The following TEX14 variants were observed in gnomAD, a reference collection of about 807,000 sequenced individuals.
TEX14 encodes testis expressed 14, intercellular bridge forming factor.
TEX14 carries 168 observed loss-of-function variants against 178.6 expected under a neutral mutation model. That is an observed-to-expected ratio of 0.94 (90% CI 0.83 to 1.07). TEX14 has a LOEUF of 1.07. Among genes scored for constraint, TEX14 ranks in the 50% least tolerant of loss-of-function variants. TEX14 has a pLI of 0.00. For missense variants in TEX14, 1,730 were observed against 1,753.6 expected, an observed-to-expected ratio of 0.99 and a Z score of 0.24; for synonymous variants, 626 against 634.1, an observed-to-expected ratio of 0.99 and a Z score of 0.19.
intron 2 of TEX14, among the ~76,000 whole-genome samples, chr17:58,644,523 G>T (rs977159798): frequency 1.3e-5 from 2 of 151,704 alleles, no homozygotes; most frequent in Non-Finnish European, 2.9e-5. Context: ...GTAGAGATGG[G>T]GTTTCACCAT....
At position 58,651,866 on chromosome 17, in the gene TEX14, C is replaced by G. The variant is rs1361526657; in HGVS notation, c.136G>C (p.Gly46Arg). 6.2e-7 allele frequency: 1 copy of G among 1,604,856 alleles called. No individual in the cohort carries two copies. Among genetic ancestry groups the G allele is most frequent in the Non-Finnish European group, 8.5e-7 (1 of 1,177,234 alleles). ...YVKVKKILKK[G>R]IYVDAVNSLG... ...TCTGCCATCTCAACATGGTGCTTAC[C>G]TTTCTTAAGAATTTTCTTCACTTTC... Residue 46 changes from glycine to arginine, a missense_variant and splice_region_variant, in exon 2 of 32, where the codon GGA becomes CGA. Physicochemically the swap from Gly to Arg is moderately radical, Grantham distance 125. Coordinates refer to ENST00000349033, the MANE Select transcript of TEX14 (RefSeq NM_031272.5).
intron 15 of TEX14, among the ~76,000 whole-genome samples, chr17:58,588,690 C>G (rs766545905): frequency 2.0e-5 from 3 of 152,204 alleles, no homozygotes; most frequent in Non-Finnish European, 4.4e-5. Flanking sequence ...CACTAGGTTA[C>G]TATCTGACTT....
At chr17:58,659,190 T>G (rs550307519) in intron 1 of TEX14, 1 of 210,752 alleles carries the variant, frequency 4.7e-6, no homozygotes, top group Non-Finnish European at 8.2e-6. Flanking sequence ...CCACAAGTTA[T>G]GCAGCCGAGT....
intron 26 of TEX14, 110 bp from the exon 27 acceptor site, chr17:58,565,934 A>T (rs2044388732): frequency 1.2e-6 from 1 of 803,732 alleles, no homozygotes. Flanking sequence ...GCATTAACAT[A>T]ACCCGGGAAC....
intron 1 of TEX14, among the ~76,000 whole-genome samples, chr17:58,669,134 C>G (rs888148233): frequency 2.0e-5 from 3 of 151,992 alleles, no homozygotes; most frequent in Non-Finnish European, 1.5e-5. Context: ...GGCAGATCAC[C>G]TGAGGTCAGG....
rs148023164 is a variant in TEX14 at position 58,672,477 on chromosome 17, A to G, written c.-2+19462T>C. 5.7e-3 allele frequency among the ~76,000 whole-genome samples: 867 copies of G among 152,338 alleles called. 5 individuals carry two copies. Among genetic ancestry groups the G allele is most frequent in the African/African-American group, 9.2e-3 (381 of 41,578 alleles). The stretch of plus-strand genomic sequence containing the variant: ...GAGACAGAGTCTCGCTCTATCACCC[A>G]GGCTGCAGTGCAGAGGTGCAATCTC... On this transcript the variant is annotated intron_variant, in intron 1 of 31. Coordinates refer to ENST00000349033, the MANE Select transcript of TEX14 (RefSeq NM_031272.5).
In TEX14 at chr17:58,602,447, T is replaced by A. The variant is rs376488524; in HGVS notation, c.1480A>T (p.Thr494Ser). Residue 494 changes from threonine (T) to serine (S), a missense_variant, in exon 12 of 32, where the codon ACT becomes TCT. Thr to Ser is a moderately conservative substitution (Grantham distance 58). Transcript: ENST00000349033. Reference protein sequence around the residue: ...SGIHVKQKDRTMNLQDIRYIL... With the variant: ...SGIHVKQKDRSMNLQDIRYIL... ...TACCGGATATCTTGAAGGTTCATAG[T>A]TCGGTCTTTCTGCTTGACGTGGATG... 3 of 1,614,106 alleles carry A rather than the reference T, an allele frequency of 1.9e-6. No homozygotes were observed. Among genetic ancestry groups the A allele is most frequent in the Non-Finnish European group, 2.5e-6 (3 of 1,180,004 alleles).
At chr17:58,598,315 CAAAA>C (rs528645875) in intron 14 of TEX14, among the ~76,000 whole-genome samples, 2 of 84,068 alleles carry the variant, frequency 2.4e-5, no homozygotes, top group Admixed American at 2.6e-4. Context: ...ACTCTGTCTC[CAAAA>C]AAAAAAAAAA....
rs767720333 is a variant in TEX14, at chr17:58,611,286, C to T, written c.1059G>A (p.Gln353=). ...GCAGGTATCTCAGGGCATCAGATAT[C>T]TGGAGCAGCAGGTGCACAATCACCT... ...HMEVIVHLLL[Q]ISDALRYLHF... Residue 353 remains glutamine, a synonymous_variant, in exon 10 of 32, where the codon CAG becomes CAA. Coordinates refer to ENST00000349033, the MANE Select transcript of TEX14 (RefSeq NM_031272.5). 2 of 1,613,704 alleles carry T rather than the reference C, an allele frequency of 1.2e-6. No homozygotes were observed. The highest frequency in any genetic ancestry group is 1.7e-6 in the Non-Finnish European group (2 of 1,179,756).
chr17:58,569,213 G>A lies in TEX14; in HGVS notation c.3865C>T (p.Gln1289Ter), dbSNP rs750489030. 6.2e-7 allele frequency: 1 copy of A among 1,614,076 alleles called. No individual in the cohort carries two copies. Among genetic ancestry groups the A allele is most frequent in the South Asian group, 1.1e-5 (1 of 91,080 alleles). The change falls in exon 26 of 32, where the codon CAG (glutamine) becomes TAG (stop). Residue 1289 changes from glutamine to a stop codon, truncating the protein, a stop_gained. Transcript: ENST00000349033. LOFTEE classifies it high-confidence loss of function. The surrounding 1 kb of genome is among the most constrained non-coding windows in gnomAD (Gnocchi z 4.1). ...HHIDELPPPSQELLDDIELLK... is the reference protein window; with the variant it reads ...HHIDELPPPS The stretch of plus-strand genomic sequence containing the variant: ...TTACCAATGTCATCAAGTAGCTCCT[G>A]AGATGGTGGTGGCAGCTCATCAATG...
At chr17:58,639,415 T>C (rs1473854183) in intron 2 of TEX14, among the ~76,000 whole-genome samples, 1 of 151,342 alleles carries the variant, frequency 6.6e-6, no homozygotes, top group Non-Finnish European at 1.5e-5. Context: ...AACTTACTCA[T>C]GTTGGCCGGG....
intron 1 of TEX14, among the ~76,000 whole-genome samples, chr17:58,653,146 C>G (rs770179916): frequency 3.9e-5 from 6 of 152,162 alleles, no homozygotes; most frequent in Non-Finnish European, 7.3e-5. Context: ...CCATGTTGGA[C>G]AGAATGGTCT....
intron 1 of TEX14, chr17:58,660,781 A>G: frequency 1.3e-6 from 1 of 781,284 alleles, no homozygotes; most frequent in South Asian, 1.3e-5. Context: ...GATGTTGATC[A>G]TACCAGTCAC....
intron 21 of TEX14, among the ~76,000 whole-genome samples, chr17:58,575,027 T>G (rs778868287): frequency 4.3e-4 from 65 of 152,194 alleles, no homozygotes; most frequent in Admixed American, 1.3e-3. Context: ...CTGTTTCTAC[T>G]TTAACCAATA....
At chr17:58,562,599 G>C (rs1339052706) in intron 28 of TEX14, among the ~76,000 whole-genome samples, 1 of 152,074 alleles carries the variant, frequency 6.6e-6, no homozygotes, top group Non-Finnish European at 1.5e-5. Context: ...CTGCCTCCCA[G>C]GTTCAAGCGA....
chr17:58,591,027 C>CT lies in TEX14; in HGVS notation c.2576+2527dup, dbSNP rs567160628. Among the ~76,000 whole-genome samples the CT allele has an allele frequency of 3.1e-4, 47 of 151,818 alleles. No homozygotes were observed. The South Asian group carries it at 6.4e-3, about 21-fold the overall frequency. On this transcript the variant is annotated intron_variant, in intron 15 of 31. Transcript: ENST00000349033. ...GAGGAACAGGTGGAAAAATGTCAAA[C>CT]TTTTTTTTGGTCTGTTCTTTGTACT...
At chr17:58,639,230 T>C (rs1300531499) in intron 2 of TEX14, among the ~76,000 whole-genome samples, 3 of 151,958 alleles carry the variant, frequency 2.0e-5, no homozygotes, top group East Asian at 1.9e-4. Flanking sequence ...TTCACTGATA[T>C]GTGGGAGCTA....
chr17:58,601,486 C>T (rs560772585), intron 13 of TEX14, among the ~76,000 whole-genome samples: 4 of 144,138 alleles, frequency 2.8e-5, no homozygotes, highest in Non-Finnish European at 6.0e-5. Context: ...CCCACCATTG[C>T]ACTCCAGCCT....
intron 3 of TEX14, among the ~76,000 whole-genome samples, chr17:58,625,169 G>T (rs150719887): frequency 2.7e-5 from 4 of 148,324 alleles, no homozygotes; most frequent in African/African-American, 9.9e-5. Context: ...TCTCGCTCTT[G>T]TCCCCCAGGC....
Sources: allele counts gnomAD v4.1 joint callset (sites outside exome capture counted in the v4.1 genomes callset), GRCh38; gene constraint gnomAD v4.1.1; non-coding constraint Gnocchi (gnomAD v3.1); transcripts MANE v1.5; gene names NCBI Gene and HGNC (gene_info 2026-07-23, HGNC 2026-07-21).